Variants in DPY19L3 observed in about 807,000 individuals in gnomAD.
DPY19L3 encodes the protein protein C-mannosyl-transferase DPY19L3.
In DPY19L3, 51 loss-of-function variants were observed where a neutral mutation model predicts 92.3. That is an observed-to-expected ratio of 0.55 (90% CI 0.44 to 0.70). The LOEUF (loss-of-function observed/expected upper bound fraction) is 0.70. Among genes scored for constraint, DPY19L3 ranks in the 30% least tolerant of loss-of-function variants. The pLI is 0.00. For missense variants in DPY19L3, 706 were observed against 855.9 expected, an observed-to-expected ratio of 0.82 and a Z score of 2.18; for synonymous variants, 309 against 315.2, an observed-to-expected ratio of 0.98 and a Z score of 0.21.
chr19:32,485,497 G>C lies in DPY19L3; in HGVS notation c.*3257G>C, dbSNP rs186944313. 2 of 152,254 alleles carry C rather than the reference G, an allele frequency of 1.3e-5. No individual in the cohort carries two copies. The highest frequency in any genetic ancestry group is 3.9e-4 in the East Asian group (2 of 5,182). The allele number at this position is 152,254 out of a possible 1,614,324, so 9.4% of individuals were successfully genotyped here. A position where few individuals can be genotyped will look rare whatever the true frequency, so the allele number is the denominator to read the frequency against. ...ATCTGATCTGCATCTTTATTTCACA[G>C]TTAACTAAAAGTAAAAATGTCTATT... On this transcript the variant is annotated 3_prime_UTR_variant, in exon 19 of 19. Transcript: ENST00000392250.
chr19:32,479,507 G>A (rs1970609601), intron 17 of DPY19L3: 6 of 359,454 alleles, frequency 1.7e-5, no homozygotes, highest in South Asian at 1.3e-4. Flanking sequence ...GTGCTGGACT[G>A]TAGGACAACA....
intron 8 of DPY19L3, among the ~76,000 whole-genome samples, chr19:32,442,078 C>T (rs1193682051): frequency 6.6e-6 from 1 of 152,124 alleles, no homozygotes; most frequent in East Asian, 1.9e-4. Flanking sequence ...AACTTAGTTT[C>T]TTCATAAATT....
intron 3 of DPY19L3, among the ~76,000 whole-genome samples, chr19:32,425,416 T>C (rs1219034505): frequency 2.0e-5 from 3 of 152,060 alleles, no homozygotes; most frequent in Non-Finnish European, 4.4e-5. Context: ...CCAGGCGTGA[T>C]GGCACACATC....
At chr19:32,450,752 C>T (rs1004629845) in intron 8 of DPY19L3, among the ~76,000 whole-genome samples, 7 of 151,950 alleles carry the variant, frequency 4.6e-5, no homozygotes, top group Non-Finnish European at 1.0e-4. Context: ...GGGTTTCTTT[C>T]GAAGTGATGA....
intron 16 of DPY19L3, among the ~76,000 whole-genome samples, chr19:32,472,258 G>A (rs1319369848): frequency 1.3e-5 from 2 of 152,160 alleles, no homozygotes; most frequent in South Asian, 2.1e-4. Flanking sequence ...AGTGTTTAGG[G>A]ATTAAGTTGC....
chr19:32,441,820 TAGAA>T (rs1291846968), intron 8 of DPY19L3, among the ~76,000 whole-genome samples: 2 of 152,180 alleles, frequency 1.3e-5, no homozygotes, highest in East Asian at 1.9e-4. Context: ...CTTTTAAAAT[TAGAA>T]AGCAAAGGTA....
intron 4 of DPY19L3, among the ~76,000 whole-genome samples, chr19:32,434,309 A>T (rs2145483050): frequency 6.6e-6 from 1 of 152,124 alleles, no homozygotes; most frequent in South Asian, 2.1e-4. Context: ...CTTTTCAGAA[A>T]GTCTGTTTTA....
intron 1 of DPY19L3, 94 bp downstream of exon 1, chr19:32,406,003 G>C (rs1599572436): frequency 6.6e-6 from 1 of 151,146 alleles, no homozygotes; most frequent in African/African-American, 2.4e-5. Context: ...CGAGCCCCTG[G>C]GGCCGCCCCT....
intron 3 of DPY19L3, among the ~76,000 whole-genome samples, chr19:32,418,438 A>G (rs1968450235): frequency 6.6e-6 from 1 of 152,248 alleles, no homozygotes; most frequent in Non-Finnish European, 1.5e-5. Flanking sequence ...TACAGTGGCC[A>G]CATGTGGCTA....
intron 10 of DPY19L3, among the ~76,000 whole-genome samples, chr19:32,457,838 C>T (rs1969914703): frequency 6.6e-6 from 1 of 152,136 alleles, no homozygotes; most frequent in South Asian, 2.1e-4. Context: ...TCATCTTTTA[C>T]CTATTTTGCA....
rs78514891 is a variant in DPY19L3, at chr19:32,481,349, G to A, written c.1990-730G>A. The A allele has an allele frequency of 1.1e-4, 17 of 152,278 alleles. No individual in the cohort carries two copies. The East Asian group carries it at 3.3e-3, about 29-fold the overall frequency. The allele number at this position is 152,278 out of a possible 1,614,324, so 9.4% of individuals were successfully genotyped here. A position where few individuals can be genotyped will look rare whatever the true frequency, so the allele number is the denominator to read the frequency against. The stretch of plus-strand genomic sequence containing the variant: ...GTTCATAACTGTCTTGAGTTCAGAG[G>A]TGGTACAGACCAGAGACATCCATTT... On this transcript the variant is annotated intron_variant, in intron 18 of 18. Transcript: ENST00000392250.
chr19:32,440,569 A>G (rs2145505187), intron 8 of DPY19L3, among the ~76,000 whole-genome samples: 1 of 152,334 alleles, frequency 6.6e-6, no homozygotes, highest in Non-Finnish European at 1.5e-5. Flanking sequence ...ATTTGTGCTC[A>G]TTTATTCCAT....
intron 6 of DPY19L3, among the ~76,000 whole-genome samples, 195 bp downstream of exon 6, chr19:32,437,534 GAGGA>G (rs1969183145): frequency 6.6e-6 from 1 of 152,128 alleles, no homozygotes; most frequent in South Asian, 2.1e-4. Flanking sequence ...AATTCCAGCT[GAGGA>G]ACAGAGAGCA....
intron 16 of DPY19L3, among the ~76,000 whole-genome samples, chr19:32,475,215 G>A (rs1356062228): frequency 1.3e-5 from 2 of 152,188 alleles, no homozygotes; most frequent in East Asian, 1.9e-4. Flanking sequence ...CATTCAAAAC[G>A]GTGATGGTGA....
intron 3 of DPY19L3, among the ~76,000 whole-genome samples, chr19:32,431,836 C>T (rs185175391): frequency 1.8e-4 from 27 of 152,160 alleles, no homozygotes; most frequent in African/African-American, 6.0e-4. Context: ...TACATGGTGC[C>T]TTTATAAGTA....
At chr19:32,457,240 A>G (rs1599652012) in intron 10 of DPY19L3, among the ~76,000 whole-genome samples, 1 of 152,330 alleles carries the variant, frequency 6.6e-6, no homozygotes, top group Non-Finnish European at 1.5e-5. Flanking sequence ...ATTTTCCTTG[A>G]AAGTCCTTGC....
At position 32,439,785 on chromosome 19, in the gene DPY19L3, C is replaced by T; in HGVS notation, c.730C>T (p.Leu244Phe). ...GGTTTTCTTTTTACAGAGGCTGACACTTCTTGCCATTTTCATATCAACTTT... is the reference window on the plus strand; with the variant it reads ...GGTTTTCTTTTTACAGAGGCTGACATTTCTTGCCATTTTCATATCAACTTT... ...NLQPLSERLTLLAIFISTFLF... is the reference protein window; with the variant it reads ...NLQPLSERLTFLAIFISTFLF... Residue 244 changes from leucine to phenylalanine, a missense_variant, in exon 8 of 19, where the codon CTT (leucine) becomes TTT (phenylalanine). Transcript: ENST00000392250. 1 of 1,613,438 alleles carries T rather than the reference C, an allele frequency of 6.2e-7. No individual in the cohort carries two copies. Among genetic ancestry groups the T allele is most frequent in the East Asian group, 2.2e-5 (1 of 44,854 alleles).
chr19:32,447,802 CATAG>C (rs56169352), intron 8 of DPY19L3, among the ~76,000 whole-genome samples: 3 of 85,466 alleles, frequency 3.5e-5, no homozygotes, highest in African/African-American at 5.3e-5. Context: ...CCATCTCATT[CATAG>C]ATAGATAGAT....
intron 8 of DPY19L3, 136 bp downstream of exon 8, chr19:32,440,046 C>A: frequency 9.0e-7 from 1 of 1,105,354 alleles, no homozygotes; most frequent in Non-Finnish European, 1.3e-6. Context: ...TTTGCTGTGG[C>A]CAATTGAAGC....
Sources: allele counts gnomAD v4.1 joint callset (sites outside exome capture counted in the v4.1 genomes callset), GRCh38; gene constraint gnomAD v4.1.1; transcripts MANE v1.5; gene names NCBI Gene and HGNC (gene_info 2026-07-23, HGNC 2026-07-21).